The following MYO1D variants were observed in gnomAD, a reference collection of about 807,000 sequenced individuals.
The protein encoded by MYO1D is unconventional myosin-Id.
Under a neutral mutation model 122.0 loss-of-function variants are expected in MYO1D, and 83 were observed. The observed-to-expected ratio is 0.68, with a 90% CI of 0.57 to 0.82. The LOEUF (loss-of-function observed/expected upper bound fraction) is 0.82, where lower values mean the gene tolerates loss of function less well. MYO1D is among the 40% of genes least tolerant of loss of function. MYO1D has a pLI of 0.00. For synonymous variants in MYO1D, 464 were observed against 446.9 expected, an observed-to-expected ratio of 1.04 and a Z score of -0.48; for missense variants, 1,157 against 1,269.5, an observed-to-expected ratio of 0.91 and a Z score of 1.35.
At chr17:32,593,879 G>A (rs1230580054) in intron 21 of MYO1D, among the ~76,000 whole-genome samples, 1 of 152,262 alleles carries the variant, frequency 6.6e-6, no homozygotes, top group Non-Finnish European at 1.5e-5. Context: ...AGAGGTTGCA[G>A]TGAGCCGAGA....
rs1443366436 is a variant in MYO1D, at chr17:32,755,517, T to G, written c.1442A>C (p.Lys481Thr). 1.9e-6 allele frequency: 3 copies of G among 1,613,782 alleles called. No homozygotes were observed. Among genetic ancestry groups the G allele is most frequent in the Non-Finnish European group, 2.5e-6 (3 of 1,179,832 alleles). ...CTTTCGGCTGGAAAAATGGGCGTGT[T>G]TGCCCAATTTACTGTTAAGTGCTTC... is the stretch of plus-strand genomic sequence containing the variant. ...FLEALNSKLG[K>T]HAHFSSRKLC... The change falls in exon 11 of 22, where the codon AAA becomes ACA. Residue 481 changes from lysine (K) to threonine (T), a missense_variant. Transcript: ENST00000318217.
In MYO1D at chr17:32,780,777, T is replaced by C; in HGVS notation, c.103A>G (p.Lys35Glu). 6.2e-7 allele frequency: 1 copy of C among 1,614,170 alleles called. No homozygotes were observed. Among genetic ancestry groups the C allele is most frequent in the Non-Finnish European group, 8.5e-7 (1 of 1,180,006 alleles). ...FMANLRLRFE[K>E]GRIYTFIGEV... ...CCAATGAACGTATAGATGCGCCCTT[T>C]TTCAAATCTGTACAGAAGCAAAAGA... The change falls in exon 2 of 22, where the codon AAA becomes GAA. Residue 35 changes from lysine (K) to glutamate (E), a missense_variant. Lys to Glu is a moderately conservative substitution (Grantham distance 56). Transcript: ENST00000318217.
At chr17:32,576,507 T>A (rs1052601298) in intron 21 of MYO1D, among the ~76,000 whole-genome samples, 1 of 152,354 alleles carries the variant, frequency 6.6e-6, no homozygotes, top group East Asian at 1.9e-4. Context: ...CTATTCAGGA[T>A]ATCAAAATAA....
At chr17:32,695,633 C>G (rs116628712) in intron 16 of MYO1D, among the ~76,000 whole-genome samples, 86 of 152,294 alleles carry the variant, frequency 5.6e-4, no homozygotes, top group African/African-American at 1.9e-3. Flanking sequence ...GTAACAAATA[C>G]CCCTATGCAC....
chr17:32,598,437 G>A (rs1231890583), intron 21 of MYO1D, among the ~76,000 whole-genome samples: 1 of 152,204 alleles, frequency 6.6e-6, no homozygotes, highest in Admixed American at 6.5e-5. Context: ...TTTGACTTTG[G>A]GTTTTCCCAC....
intron 16 of MYO1D, among the ~76,000 whole-genome samples, chr17:32,695,252 G>A (rs1208700696): frequency 6.6e-6 from 1 of 152,206 alleles, no homozygotes; most frequent in Non-Finnish European, 1.5e-5. Flanking sequence ...CCTTGCATGC[G>A]CAGTTCACCA....
intron 1 of MYO1D, among the ~76,000 whole-genome samples, chr17:32,845,742 G>A (rs889123472): frequency 1.3e-5 from 2 of 152,214 alleles, no homozygotes; most frequent in African/African-American, 4.8e-5. Context: ...ATTGCCACAG[G>A]TGGCTCGTGG....
intron 21 of MYO1D, among the ~76,000 whole-genome samples, chr17:32,542,894 C>T (rs1166326571): frequency 6.6e-6 from 1 of 152,118 alleles, no homozygotes; most frequent in Non-Finnish European, 1.5e-5. Context: ...ATTTCATGAT[C>T]ATTAGCTCCA....
chr17:32,811,550 A>G (rs1329550415), intron 1 of MYO1D, among the ~76,000 whole-genome samples: 1 of 150,878 alleles, frequency 6.6e-6, no homozygotes, highest in Admixed American at 6.6e-5. Context: ...TAATCATGAA[A>G]TATTTCAAAC....
chr17:32,865,783 A>C (rs1013490907), intron 1 of MYO1D, among the ~76,000 whole-genome samples: 1 of 152,218 alleles, frequency 6.6e-6, no homozygotes, highest in African/African-American at 2.4e-5. Context: ...CCTGGAATAC[A>C]AACTGGGATA....
At chr17:32,496,709 C>G (rs1015759567) in intron 21 of MYO1D, among the ~76,000 whole-genome samples, 17 of 152,172 alleles carry the variant, frequency 1.1e-4, no homozygotes, top group African/African-American at 4.1e-4. Context: ...CTCTTGTCCT[C>G]TGGGAGCCTC....
chr17:32,812,644 AC>A (rs1764821200), intron 1 of MYO1D, among the ~76,000 whole-genome samples: 1 of 152,198 alleles, frequency 6.6e-6, no homozygotes, highest in Non-Finnish European at 1.5e-5. Flanking sequence ...GGGAAGGAGT[AC>A]TGACCTTGAG....
intron 1 of MYO1D, among the ~76,000 whole-genome samples, chr17:32,840,014 T>A (rs1422833017): frequency 6.6e-6 from 1 of 152,236 alleles, no homozygotes; most frequent in Non-Finnish European, 1.5e-5. Flanking sequence ...TTGTTTCAAT[T>A]ACAATTTTCT....
chr17:32,590,398 GGTTTATCCCCTGT>G (rs2087429059), intron 21 of MYO1D, among the ~76,000 whole-genome samples: 1 of 152,162 alleles, frequency 6.6e-6, no homozygotes, highest in Non-Finnish European at 1.5e-5. Context: ...AAAGAGGGCT[GGTTTATCCCCTGT>G]GTTTCCATGG....
chr17:32,516,592 G>A (rs11651743), intron 21 of MYO1D, among the ~76,000 whole-genome samples: 58,279 of 152,052 alleles, frequency 0.38, 11,995 homozygotes, highest in Non-Finnish European at 0.44. Context: ...CCCCAGTCTC[G>A]TAGAAGATTT....
intron 21 of MYO1D, among the ~76,000 whole-genome samples, chr17:32,526,311 C>T (rs1291871032): frequency 6.6e-6 from 1 of 152,174 alleles, no homozygotes; most frequent in African/African-American, 2.4e-5. Flanking sequence ...TCCCTCTCTT[C>T]CTTTCCCTCC....
chr17:32,649,572 T>C (rs1452644753), intron 19 of MYO1D, among the ~76,000 whole-genome samples: 10 of 129,676 alleles, frequency 7.7e-5, no homozygotes, highest in Non-Finnish European at 1.3e-4. Flanking sequence ...TCTTTCTTTT[T>C]TTTTTTTTTT....
At chr17:32,550,100 ATT>A (rs35465683) in intron 21 of MYO1D, among the ~76,000 whole-genome samples, 24,428 of 142,898 alleles carry the variant, frequency 0.17, 2,366 homozygotes, top group African/African-American at 0.29. Flanking sequence ...TTGAGCTATA[ATT>A]TTTTTTTTTT....
At chr17:32,609,462 T>G (rs1360897241) in intron 20 of MYO1D, among the ~76,000 whole-genome samples, 2 of 152,202 alleles carry the variant, frequency 1.3e-5, no homozygotes, top group Non-Finnish European at 2.9e-5. Flanking sequence ...AAGAGGTAAG[T>G]ATTAAATAAC....
Sources: gnomAD v4.1 joint callset for allele counts (sites outside exome capture counted in the v4.1 genomes callset) on GRCh38, gnomAD v4.1.1 for gene constraint, MANE v1.5 for transcripts, NCBI Gene and HGNC (gene_info 2026-07-23, HGNC 2026-07-21) for gene names.